COL19A1: variants seen among roughly 807,000 people sequenced by gnomAD.
The protein encoded by COL19A1 is collagen alpha-1(XIX) chain.
Under a neutral mutation model 190.2 loss-of-function variants are expected in COL19A1, and 159 were observed. The ratio of observed to expected loss-of-function variants is 0.84; its 90% CI spans 0.73 to 0.95. The LOEUF is 0.95. Among genes scored for constraint, COL19A1 ranks in the 40% least tolerant of loss-of-function variants. The pLI is 0.00. For missense variants in COL19A1, 1,418 were observed against 1,431.9 expected, an observed-to-expected ratio of 0.99 and a Z score of 0.16; for synonymous variants, 509 against 458.9, an observed-to-expected ratio of 1.11 and a Z score of -1.39.
intron 6 of COL19A1, among the ~76,000 whole-genome samples, chr6:69,931,242 T>A (rs1379538252): frequency 6.6e-6 from 1 of 151,810 alleles, no homozygotes; most frequent in Non-Finnish European, 1.5e-5. Context: ...ATATGAAGAT[T>A]TTTTTTTAAA....
intron 13 of COL19A1, among the ~76,000 whole-genome samples, chr6:70,035,051 T>C (rs993504605): frequency 5.9e-5 from 9 of 152,198 alleles, no homozygotes; most frequent in Admixed American, 1.3e-4. Context: ...AGTTTTAACT[T>C]CTGAGGTGGC....
intron 11 of COL19A1, among the ~76,000 whole-genome samples, chr6:69,966,428 A>C (rs1775108482): frequency 6.6e-6 from 1 of 152,238 alleles, no homozygotes; most frequent in Non-Finnish European, 1.5e-5. Context: ...TGTACTAAGA[A>C]AAATTCTTCT....
chr6:70,028,460 C>T (rs1778846322), intron 12 of COL19A1, among the ~76,000 whole-genome samples: 2 of 152,262 alleles, frequency 1.3e-5, no homozygotes, highest in South Asian at 2.1e-4. Context: ...AAGAGTCTGT[C>T]TGGGCATCGT....
intron 4 of COL19A1, among the ~76,000 whole-genome samples, chr6:69,916,092 A>G (rs1332360245): frequency 2.6e-5 from 4 of 152,016 alleles, no homozygotes; most frequent in African/African-American, 9.7e-5. Flanking sequence ...ATCTGCCACC[A>G]TGCCTGGCTA....
chr6:70,092,952 G>C (rs896716651), intron 15 of COL19A1, among the ~76,000 whole-genome samples: 7 of 152,274 alleles, frequency 4.6e-5, no homozygotes, highest in Non-Finnish European at 8.8e-5. Flanking sequence ...GAAGTTTGTA[G>C]ATGAACTTCA....
At position 69,915,696 on chromosome 6, in the gene COL19A1, C is replaced by T. The variant is rs569876868; in HGVS notation, c.267-12213C>T. On this transcript the variant is annotated intron_variant, in intron 4 of 50. Transcript: ENST00000620364. ...TCTTTCCATCATCATTTGAGATAGTCACATGATCATTATTTTCACGTTTGA... is the reference window on the plus strand; with the variant it reads ...TCTTTCCATCATCATTTGAGATAGTTACATGATCATTATTTTCACGTTTGA... Among the ~76,000 whole-genome samples the T allele has an allele frequency of 2.6e-5, 4 of 152,254 alleles. No individual in the cohort carries two copies. The East Asian group carries it at 5.8e-4, about 22-fold the overall frequency.
At chr6:70,169,686 T>C (rs867330071) in intron 40 of COL19A1, among the ~76,000 whole-genome samples, 2 of 152,290 alleles carry the variant, frequency 1.3e-5, no homozygotes, top group East Asian at 1.9e-4. Context: ...TAATTCAGTT[T>C]CCTTTGTTTT....
intron 14 of COL19A1, among the ~76,000 whole-genome samples, chr6:70,045,190 G>A (rs1562115963): frequency 6.6e-6 from 1 of 151,656 alleles, no homozygotes; most frequent in Non-Finnish European, 1.5e-5. Context: ...GTGCATGCCT[G>A]TAACCCTAGC....
At chr6:69,930,261 A>T (rs949874108) in intron 6 of COL19A1, among the ~76,000 whole-genome samples, 8 of 152,312 alleles carry the variant, frequency 5.3e-5, no homozygotes, top group Admixed American at 5.2e-4. Context: ...ACCCTTTTGG[A>T]TAAAAAGTTA....
intron 11 of COL19A1, among the ~76,000 whole-genome samples, chr6:69,968,812 C>A (rs115924389): frequency 6.6e-6 from 1 of 152,024 alleles, no homozygotes; most frequent in Non-Finnish European, 1.5e-5. Context: ...ATATAATATA[C>A]GTAAACGATT....
intron 11 of COL19A1, among the ~76,000 whole-genome samples, chr6:69,967,704 T>C (rs1775196251): frequency 6.6e-6 from 1 of 152,226 alleles, no homozygotes; most frequent in Non-Finnish European, 1.5e-5. Flanking sequence ...TAAAATGCCA[T>C]ATGAGATATG....
At chr6:70,049,348 T>A (rs1478084801) in intron 14 of COL19A1, among the ~76,000 whole-genome samples, 2 of 151,990 alleles carry the variant, frequency 1.3e-5, no homozygotes, top group African/African-American at 4.8e-5. Flanking sequence ...AGTGAATTAG[T>A]TGATTAAAAT....
chr6:70,094,059 T>C (rs1783092233), intron 15 of COL19A1, among the ~76,000 whole-genome samples: 1 of 152,178 alleles, frequency 6.6e-6, no homozygotes, highest in Non-Finnish European at 1.5e-5. Context: ...CCTGAAGTAA[T>C]GAGACCTTTA....
At chr6:69,913,881 A>C (rs1031111409) in intron 4 of COL19A1, among the ~76,000 whole-genome samples, 3 of 152,052 alleles carry the variant, frequency 2.0e-5, no homozygotes, top group Non-Finnish European at 2.9e-5. Context: ...CTAAAGCAAC[A>C]GTTGAGCTCT....
At chr6:70,115,820 G>GTTTTT (rs1562188351) in intron 16 of COL19A1, among the ~76,000 whole-genome samples, 17 of 78,704 alleles carry the variant, frequency 2.2e-4, no homozygotes, top group African/African-American at 6.8e-4. Flanking sequence ...GTTTTTTGGT[G>GTTTTT]TTTTGTTTTT....
At chr6:70,059,358 C>T (rs901290862) in intron 14 of COL19A1, among the ~76,000 whole-genome samples, 3 of 152,132 alleles carry the variant, frequency 2.0e-5, no homozygotes, top group Non-Finnish European at 4.4e-5. Context: ...CCTCTTTTCA[C>T]AAATGAAAAT....
chr6:70,150,984 T>C (rs982305551), intron 30 of COL19A1, among the ~76,000 whole-genome samples: 1 of 152,180 alleles, frequency 6.6e-6, no homozygotes, highest in Non-Finnish European at 1.5e-5. Context: ...GGCAAACTTA[T>C]CTGGTACTTT....
At chr6:70,179,944 A>G (rs1205124256) in intron 42 of COL19A1, among the ~76,000 whole-genome samples, 1 of 152,084 alleles carries the variant, frequency 6.6e-6, no homozygotes, top group Non-Finnish European at 1.5e-5. Flanking sequence ...GTGAAATGTC[A>G]TGATCTCAGC....
chr6:70,064,137 A>G (rs971706972), intron 14 of COL19A1, among the ~76,000 whole-genome samples: 12 of 152,210 alleles, frequency 7.9e-5, no homozygotes, highest in Non-Finnish European at 1.6e-4. Flanking sequence ...TGAGGACAGC[A>G]TCATCCTGAT....
Sources: allele counts gnomAD v4.1 joint callset (sites outside exome capture counted in the v4.1 genomes callset), GRCh38; gene constraint gnomAD v4.1.1; transcripts MANE v1.5; gene names NCBI Gene and HGNC (gene_info 2026-07-23, HGNC 2026-07-21).